The following PTPRK variants were observed in gnomAD, a reference collection of about 807,000 sequenced individuals.
PTPRK encodes receptor-type tyrosine-protein phosphatase kappa.
PTPRK carries 75 observed loss-of-function variants against 178.0 expected under a neutral mutation model. The ratio of observed to expected loss-of-function variants is 0.42; its 90% CI spans 0.35 to 0.51. The LOEUF is 0.51. Ranked by LOEUF, PTPRK falls within the 20% of genes least tolerant of loss-of-function variation. The probability of loss-of-function intolerance (pLI) is 0.02; values close to 1 mark genes in which losing one functional copy is unlikely to be tolerated. For synonymous variants in PTPRK, 637 were observed against 620.6 expected (o/e 1.03, Z -0.39); for missense variants, 1,441 against 1,797.8 (o/e 0.80, Z 3.59).
At chr6:128,113,589 G>C (rs980291253) in intron 7 of PTPRK, among the ~76,000 whole-genome samples, 3 of 151,912 alleles carry the variant, frequency 2.0e-5, no homozygotes, top group African/African-American at 7.2e-5. Context: ...GTATATAGGA[G>C]GATATGCTCA....
intron 7 of PTPRK, among the ~76,000 whole-genome samples, chr6:128,119,178 A>G (rs1183337582): frequency 6.6e-6 from 1 of 152,120 alleles, no homozygotes. Context: ...GATTCTCTCC[A>G]GTAATAAAAA....
intron 1 of PTPRK, among the ~76,000 whole-genome samples, chr6:128,421,125 C>T (rs1359670969): frequency 6.6e-6 from 1 of 151,980 alleles, no homozygotes; most frequent in Non-Finnish European, 1.5e-5. Context: ...TATATTTTTC[C>T]TAATGTCATT....
chr6:127,999,512 A>T (rs1777548575), intron 15 of PTPRK, among the ~76,000 whole-genome samples: 1 of 151,894 alleles, frequency 6.6e-6, no homozygotes, highest in African/African-American at 2.4e-5. Flanking sequence ...TGCCGCCTTG[A>T]CTTATTACTG....
chr6:128,199,434 G>A (rs1284389211), intron 6 of PTPRK, among the ~76,000 whole-genome samples: 1 of 152,112 alleles, frequency 6.6e-6, no homozygotes, highest in Non-Finnish European at 1.5e-5. Flanking sequence ...TGGTTACTCT[G>A]GGGGAAGAGG....
chr6:128,019,134 C>T (rs888401638), intron 13 of PTPRK, among the ~76,000 whole-genome samples: 1 of 151,982 alleles, frequency 6.6e-6, no homozygotes, highest in Admixed American at 6.6e-5. Flanking sequence ...AATCATTCAA[C>T]AAAAAAAGTC....
intron 7 of PTPRK, among the ~76,000 whole-genome samples, chr6:128,120,404 C>G (rs912361276): frequency 5.3e-5 from 8 of 151,954 alleles, no homozygotes; most frequent in African/African-American, 1.9e-4. Flanking sequence ...ATGTTTATCT[C>G]TATTTGAGGC....
chr6:127,972,997 C>G (rs1225905080), intron 29 of PTPRK, 25 bp downstream of exon 29: 1 of 1,611,364 alleles, frequency 6.2e-7, no homozygotes, highest in Admixed American at 1.7e-5. Flanking sequence ...AAGATGCCTT[C>G]CAAATCTAAG....
intron 2 of PTPRK, among the ~76,000 whole-genome samples, chr6:128,395,963 A>G (rs1840244326): frequency 1.3e-5 from 2 of 152,152 alleles, no homozygotes; most frequent in Non-Finnish European, 2.9e-5. Context: ...TACCATATTC[A>G]TTTACAAACT....
At chr6:128,456,819 A>T (rs148566596) in intron 1 of PTPRK, among the ~76,000 whole-genome samples, 1 of 152,238 alleles carries the variant, frequency 6.6e-6, no homozygotes, top group East Asian at 1.9e-4. Context: ...CTTTTTACAG[A>T]TAGAAAGAGA....
intron 7 of PTPRK, among the ~76,000 whole-genome samples, chr6:128,151,726 TAGA>T (rs1180353248): frequency 1.3e-5 from 2 of 151,966 alleles, no homozygotes; most frequent in Admixed American, 6.6e-5. Context: ...ATTTAACTAC[TAGA>T]AGGTTATTAC....
intron 6 of PTPRK, among the ~76,000 whole-genome samples, chr6:128,192,635 C>G (rs992756905): frequency 5.3e-5 from 8 of 152,080 alleles, no homozygotes; most frequent in Admixed American, 5.2e-4. Context: ...GCCTGCGCAA[C>G]ATGGTGAAAC....
At chr6:128,462,489 CA>C (rs1256179981) in intron 1 of PTPRK, among the ~76,000 whole-genome samples, 1 of 151,900 alleles carries the variant, frequency 6.6e-6, no homozygotes, top group Non-Finnish European at 1.5e-5. Context: ...TCAGACTACC[CA>C]CATTTTAATG....
At chr6:128,108,067 AAAACACACACACACACACAC>A (rs1453672435) in intron 7 of PTPRK, among the ~76,000 whole-genome samples, 2 of 126,152 alleles carry the variant, frequency 1.6e-5, no homozygotes, top group Admixed American at 1.9e-4. Context: ...CCTAAATAGC[AAAACACACACACACACACAC>A]ACACACACAC....
At chr6:128,241,133 T>C in intron 4 of PTPRK, 1 of 454,930 alleles carries the variant, frequency 2.2e-6, no homozygotes, top group Non-Finnish European at 4.5e-6. Flanking sequence ...AATGAGATGA[T>C]TTTGTTCTCT....
At chr6:128,402,313 A>G (rs1841129462) in intron 1 of PTPRK, among the ~76,000 whole-genome samples, 1 of 152,166 alleles carries the variant, frequency 6.6e-6, no homozygotes, top group Admixed American at 6.5e-5. Flanking sequence ...GCTAGAGTGC[A>G]GTGGCGCGAT....
chr6:128,233,242 G>A (rs114124733), intron 5 of PTPRK, among the ~76,000 whole-genome samples: 49 of 152,270 alleles, frequency 3.2e-4, no homozygotes, highest in African/African-American at 1.1e-3. Flanking sequence ...TAACTACTAG[G>A]CCTCTGAAAT....
intron 5 of PTPRK, among the ~76,000 whole-genome samples, chr6:128,228,647 G>A (rs1488809596): frequency 8.1e-6 from 1 of 122,914 alleles, no homozygotes; most frequent in African/African-American, 3.2e-5. Context: ...GTGACAGAGT[G>A]AGACTCCATC....
At chr6:128,277,123 A>G (rs1820840463) in intron 3 of PTPRK, among the ~76,000 whole-genome samples, 1 of 152,134 alleles carries the variant, frequency 6.6e-6, no homozygotes, top group South Asian at 2.1e-4. Flanking sequence ...CTGAAAGAAA[A>G]AAAAAAAAGT....
chr6:128,275,504 GAA>G (rs1450864751), intron 3 of PTPRK, among the ~76,000 whole-genome samples: 1 of 151,832 alleles, frequency 6.6e-6, no homozygotes, highest in Admixed American at 6.6e-5. Flanking sequence ...TGGCTCTAAA[GAA>G]AAAAGAGCTA....
Sources: allele counts gnomAD v4.1 joint callset (sites outside exome capture counted in the v4.1 genomes callset), GRCh38; gene constraint gnomAD v4.1.1; transcripts MANE v1.5; gene names NCBI Gene and HGNC (gene_info 2026-07-23, HGNC 2026-07-21).